KCNQ1: variants seen among roughly 807,000 people sequenced by gnomAD.
The protein encoded by KCNQ1 is potassium voltage-gated channel subfamily KQT member 1.
Under a neutral mutation model 72.4 loss-of-function variants are expected in KCNQ1, and 49 were observed. That is an observed-to-expected ratio of 0.68 (90% CI 0.54 to 0.86). The LOEUF (loss-of-function observed/expected upper bound fraction) is 0.86. Among genes scored for constraint, KCNQ1 ranks in the 40% least tolerant of loss-of-function variants. The probability of loss-of-function intolerance (pLI) is 0.00; values close to 1 mark genes in which losing one functional copy is unlikely to be tolerated. For missense variants in KCNQ1, 790 were observed against 945.1 expected, an observed-to-expected ratio of 0.84 and a Z score of 2.15; for synonymous variants, 450 against 412.6, an observed-to-expected ratio of 1.09 and a Z score of -1.10.
rs1847163879 is a variant in KCNQ1, at chr11:2,509,693, T to C, written c.387-18235T>C. 6.6e-6 allele frequency among the ~76,000 whole-genome samples: 1 copy of C among 151,918 alleles called. No homozygotes were observed. The highest frequency in any genetic ancestry group is 2.4e-5 in the African/African-American group (1 of 41,324). On this transcript the variant is annotated intron_variant, in intron 1 of 15. Coordinates refer to ENST00000155840, the MANE Select transcript of KCNQ1 (RefSeq NM_000218.3). This position sits in a 1 kb window ranked among gnomAD's most constrained non-coding sequence, Gnocchi z 6.3. ...TTCCTCTGCTTTGTTCCTCCTCAGC[T>C]GTGAACTGTCTGGGACTGGGCCAGG... is the stretch of plus-strand genomic sequence containing the variant.
At chr11:2,558,042 C>G (rs1564816179) in intron 2 of KCNQ1, among the ~76,000 whole-genome samples, 1 of 152,190 alleles carries the variant, frequency 6.6e-6, no homozygotes. Flanking sequence ...GAAGAAAAAT[C>G]CCTTACCTAT....
chr11:2,534,263 G>A (rs1163723532), intron 2 of KCNQ1, among the ~76,000 whole-genome samples: 1 of 152,174 alleles, frequency 6.6e-6, no homozygotes, highest in East Asian at 1.9e-4. Flanking sequence ...GGCGCCCGCA[G>A]GCCCGCAGGT....
Position 2,446,981 on chromosome 11 carries a change from C to G in KCNQ1, c.386+1497C>G, listed in dbSNP as rs554992956. On this transcript the variant is annotated intron_variant, in intron 1 of 15. Coordinates refer to ENST00000155840, the MANE Select transcript of KCNQ1 (RefSeq NM_000218.3). The surrounding 1 kb of genome is among the most constrained non-coding windows in gnomAD (Gnocchi z 8.8). ...TGTGTGCTGGTGGCCACCTGCCTCC[C>G]GGACCCCAGACTCTCTGAGATGTCC... is the stretch of plus-strand genomic sequence containing the variant. 2.6e-5 allele frequency among the ~76,000 whole-genome samples: 4 copies of G among 152,286 alleles called. No homozygotes were observed. The highest frequency in any genetic ancestry group is 2.0e-4 in the Admixed American group (3 of 15,306).
At chr11:2,465,357 G>A (rs1846337507) in intron 1 of KCNQ1, among the ~76,000 whole-genome samples, 1 of 152,208 alleles carries the variant, frequency 6.6e-6, no homozygotes, top group Non-Finnish European at 1.5e-5. Flanking sequence ...CTCTTGGGCA[G>A]TGCACTGTCC....
intron 1 of KCNQ1, among the ~76,000 whole-genome samples, chr11:2,525,955 A>G (rs73421608): frequency 0.035 from 5,361 of 152,284 alleles, 124 homozygotes; most frequent in African/African-American, 0.068. Context: ...GGTCCCAGCG[A>G]TGATGCTTGA....
intron 15 of KCNQ1, among the ~76,000 whole-genome samples, chr11:2,786,461 A>G (rs1262585769): frequency 3.3e-5 from 5 of 152,060 alleles, no homozygotes; most frequent in African/African-American, 1.2e-4. Flanking sequence ...GGTGTCTTTC[A>G]TCAGTTCTAG....
At position 2,447,337 on chromosome 11, in the gene KCNQ1, T is replaced by C. The variant is rs537121616; in HGVS notation, c.386+1853T>C. 2.0e-4 allele frequency among the ~76,000 whole-genome samples: 31 copies of C among 152,224 alleles called. No individual in the cohort carries two copies. The highest frequency in any genetic ancestry group is 7.2e-4 in the African/African-American group (30 of 41,524). On this transcript the variant is annotated intron_variant, in intron 1 of 15. Coordinates refer to ENST00000155840, the MANE Select transcript of KCNQ1 (RefSeq NM_000218.3). This position sits in a 1 kb window ranked among gnomAD's most constrained non-coding sequence, Gnocchi z 7.6. ...GAAGGGGTGGCCAGGAAAGGGATGC[T>C]TCTGTGAAGTGGCCAGATCTGGGGC...
In KCNQ1 at chr11:2,664,302, G is replaced by C. The variant is rs994513526; in HGVS notation, c.1514+2221G>C. 2.5e-6 allele frequency: 1 copy of C among 399,170 alleles called. No individual in the cohort carries two copies. The allele number at this position is 399,170 out of a possible 1,614,324, so 24.7% of individuals were successfully genotyped here. On this transcript the variant is annotated intron_variant, in intron 11 of 15. Coordinates refer to ENST00000155840, the MANE Select transcript of KCNQ1 (RefSeq NM_000218.3). The surrounding 1 kb of genome is among the most constrained non-coding windows in gnomAD (Gnocchi z 5.1). ...CAAAGGGGCCACCTTGAGGCATTGT[G>C]TTCTGGTCAGGGAAGACTCAGGGCT...
At chr11:2,518,004 C>T (rs1015950508) in intron 1 of KCNQ1, among the ~76,000 whole-genome samples, 10 of 152,260 alleles carry the variant, frequency 6.6e-5, no homozygotes, top group Admixed American at 3.3e-4. Context: ...CAGATTCACC[C>T]GGAGGCCTGC....
chr11:2,591,207 T>G (rs956463552), intron 10 of KCNQ1, among the ~76,000 whole-genome samples: 2 of 152,148 alleles, frequency 1.3e-5, no homozygotes, highest in Non-Finnish European at 2.9e-5. Flanking sequence ...CAAGCTCCAG[T>G]TCATTCAGGA....
Position 2,617,519 on chromosome 11 carries a change from A to T in KCNQ1, c.1393+28665A>T. 2.5e-6 allele frequency: 1 copy of T among 398,464 alleles called. No homozygotes were observed. Among genetic ancestry groups the T allele is most frequent in the Admixed American group, 4.4e-5 (1 of 22,714 alleles). The allele number at this position is 398,464 out of a possible 1,614,324, so 24.7% of individuals were successfully genotyped here. A position where few individuals can be genotyped will look rare whatever the true frequency, so the allele number is the denominator to read the frequency against. ...GACTCATGCATATAATGCCACAATG[A>T]ATATAGGAGCGCAGATATCTTTATG... is the stretch of plus-strand genomic sequence containing the variant. On this transcript the variant is annotated intron_variant, in intron 10 of 15. Transcript: ENST00000155840. The surrounding 1 kb of genome is among the most constrained non-coding windows in gnomAD (Gnocchi z 4.6).
rs1488250481 is a variant in KCNQ1, at chr11:2,768,224, A to G, written c.1515-620A>G. 1.3e-5 allele frequency among the ~76,000 whole-genome samples: 2 copies of G among 152,144 alleles called. No individual in the cohort carries two copies. Among genetic ancestry groups the G allele is most frequent in the African/African-American group, 2.4e-5 (1 of 41,430 alleles). On this transcript the variant is annotated intron_variant, in intron 11 of 15. Coordinates refer to ENST00000155840, the MANE Select transcript of KCNQ1 (RefSeq NM_000218.3). The surrounding 1 kb of genome is among the most constrained non-coding windows in gnomAD (Gnocchi z 6.7). ...TGTGTTTTCTTCCAGTCTTTTTTCTATGCACAGACACATCATCCCCTTTGT... is the reference window on the plus strand; with the variant it reads ...TGTGTTTTCTTCCAGTCTTTTTTCTGTGCACAGACACATCATCCCCTTTGT...
At position 2,715,958 on chromosome 11, in the gene KCNQ1, C is replaced by A. The variant is rs1851085599; in HGVS notation, c.1515-52886C>A. Among the ~76,000 whole-genome samples, 1 of 151,740 alleles carries A rather than the reference C, an allele frequency of 6.6e-6. No homozygotes were observed. Among genetic ancestry groups the A allele is most frequent in the African/African-American group, 2.4e-5 (1 of 41,026 alleles). ...CAAACCATAAACCTGTCCCCCACGTCACCTCCAAACCCTTTGGGCTGGCCT... is the reference window on the plus strand; with the variant it reads ...CAAACCATAAACCTGTCCCCCACGTAACCTCCAAACCCTTTGGGCTGGCCT... On this transcript the variant is annotated intron_variant, in intron 11 of 15. Transcript: ENST00000155840. This position sits in a 1 kb window ranked among gnomAD's most constrained non-coding sequence, Gnocchi z 4.9.
At position 2,746,699 on chromosome 11, in the gene KCNQ1, CA is replaced by C. The variant is rs1424768139; in HGVS notation, c.1515-22144del. ...GGCCCATCCTGTCGGTGTGGCTCGT[CA>C]TGGGCGATGCTGTCTCTGTCTCCTG... On this transcript the variant is annotated intron_variant, in intron 11 of 15. Transcript: ENST00000155840. This position sits in a 1 kb window ranked among gnomAD's most constrained non-coding sequence, Gnocchi z 5.9. Among the ~76,000 whole-genome samples the C allele has an allele frequency of 4.6e-5, 7 of 152,352 alleles. No homozygotes were observed. The highest frequency in any genetic ancestry group is 1.7e-4 in the African/African-American group (7 of 41,582).
chr11:2,797,495 G>T (rs561861821), intron 15 of KCNQ1, among the ~76,000 whole-genome samples: 1 of 152,148 alleles, frequency 6.6e-6, no homozygotes, highest in African/African-American at 2.4e-5. Context: ...CCAAAACCCC[G>T]CAGACTCCCG....
In KCNQ1 at chr11:2,660,089, TTGGTTTCG is replaced by T. The variant is rs576352043; in HGVS notation, c.1394-1870_1394-1863del. On this transcript the variant is annotated intron_variant, in intron 10 of 15. Transcript: ENST00000155840. The stretch of plus-strand genomic sequence containing the variant: ...TCTTTTTCTCTTACGAGTTAAACTT[TTGGTTTCG>T]TATTTCAGAATTCACTGCCAAATCC... 6.5e-3 allele frequency: 2,604 copies of T among 398,468 alleles called. 14 individuals carry two copies. Among genetic ancestry groups the T allele is most frequent in the South Asian group, 0.013 (106 of 7,862 alleles). The allele number at this position is 398,468 out of a possible 1,614,324, so 24.7% of individuals were successfully genotyped here. A position where few individuals can be genotyped will look rare whatever the true frequency, so the allele number is the denominator to read the frequency against.
chr11:2,575,001 C>T (rs541799117), intron 6 of KCNQ1, among the ~76,000 whole-genome samples: 4 of 152,302 alleles, frequency 2.6e-5, no homozygotes, highest in African/African-American at 9.6e-5. Flanking sequence ...AGGAGAGTTC[C>T]CGGGAGGCTG....
intron 15 of KCNQ1, 62 bp from the exon 16 acceptor site, chr11:2,847,705 G>A (rs961336599): frequency 1.4e-6 from 2 of 1,478,344 alleles, no homozygotes; most frequent in African/African-American, 1.4e-5. Context: ...TGGGCCCTGA[G>A]GCTGTCTGCA....
rs1378402579 is a variant in KCNQ1 at position 2,629,709 on chromosome 11, ATTTG to A, written c.1394-32248_1394-32245del. On this transcript the variant is annotated intron_variant, in intron 10 of 15. Transcript: ENST00000155840. ...TATTTTAAATGAAATTGTTTTCTTA[ATTTG>A]TTTTTCAGGTTGTTTATTATTAGTG... 1.8e-5 allele frequency: 7 copies of A among 398,258 alleles called. No homozygotes were observed. The East Asian group carries it at 2.5e-4, about 14-fold the overall frequency. 24.7% of individuals were successfully genotyped at this position (398,258 alleles called of 1,614,324 possible). A position where few individuals can be genotyped will look rare whatever the true frequency, so the allele number is the denominator to read the frequency against.
Sources: allele counts gnomAD v4.1 joint callset (sites outside exome capture counted in the v4.1 genomes callset), GRCh38; gene constraint gnomAD v4.1.1; non-coding constraint Gnocchi (gnomAD v3.1); transcripts MANE v1.5; gene names NCBI Gene and HGNC (gene_info 2026-07-23, HGNC 2026-07-21).